Variants in ADAMTSL1 observed in about 807,000 individuals in gnomAD.
ADAMTSL1 encodes ADAMTS-like protein 1.
A neutral mutation model predicts 201.8 loss-of-function variants in ADAMTSL1; 126 were observed. That is an observed-to-expected ratio of 0.62 (90% CI 0.54 to 0.72). The LOEUF is 0.72. ADAMTSL1 is among the 30% of genes least tolerant of loss of function. The pLI is 0.00. For missense variants in ADAMTSL1, 2,679 were observed against 2,277.8 expected, an observed-to-expected ratio of 1.18 and a Z score of -3.59; for synonymous variants, 1,121 against 903.4, an observed-to-expected ratio of 1.24 and a Z score of -4.32.
chr9:18,212,522 T>G (rs948101988), intron 2 of ADAMTSL1, among the ~76,000 whole-genome samples: 7 of 152,208 alleles, frequency 4.6e-5, no homozygotes, highest in African/African-American at 9.6e-5. Flanking sequence ...GTGCTGGTCT[T>G]GGAGAAGACT....
intron 3 of ADAMTSL1, among the ~76,000 whole-genome samples, chr9:18,561,595 G>A (rs1020881772): frequency 6.6e-6 from 1 of 152,114 alleles, no homozygotes; most frequent in African/African-American, 2.4e-5. Context: ...TTAATTTTCT[G>A]TCTTGTTGAT....
chr9:18,596,146 C>G (rs1412502333), intron 4 of ADAMTSL1, among the ~76,000 whole-genome samples: 1 of 152,082 alleles, frequency 6.6e-6, no homozygotes. Flanking sequence ...ATATCTGAAG[C>G]CTAAGTGGGT....
rs59885022 is a variant in ADAMTSL1 at position 18,379,343 on chromosome 9, G to A, written c.208-125486G>A. Among the ~76,000 whole-genome samples the A allele has an allele frequency of 7.8e-3, 1,184 of 152,306 alleles. 17 individuals carry two copies. Among genetic ancestry groups the A allele is most frequent in the African/African-American group, 0.027 (1,104 of 41,576 alleles). On this transcript the variant is annotated intron_variant, in intron 2 of 29. Transcript: ENST00000680146. ...TCAGGGTAATGAGGAAATCCCCTCTGCTCTAACCCTTGCAAAAATGTAAGT... is the reference window on the plus strand; with the variant it reads ...TCAGGGTAATGAGGAAATCCCCTCTACTCTAACCCTTGCAAAAATGTAAGT...
At chr9:18,157,821 C>T (rs150021224) in intron 1 of ADAMTSL1, among the ~76,000 whole-genome samples, 3 of 152,106 alleles carry the variant, frequency 2.0e-5, no homozygotes, top group South Asian at 4.2e-4. Flanking sequence ...TTTAGCCTTT[C>T]CTTCAGGGAG....
intron 23 of ADAMTSL1, among the ~76,000 whole-genome samples, chr9:18,879,043 A>G (rs2131499208): frequency 6.6e-6 from 1 of 152,274 alleles, no homozygotes; most frequent in East Asian, 1.9e-4. Flanking sequence ...TAACCTTCAT[A>G]TATAACATTT....
At chr9:18,431,973 C>G (rs58524668) in intron 2 of ADAMTSL1, among the ~76,000 whole-genome samples, 1,930 of 152,218 alleles carry the variant, frequency 0.013, 42 homozygotes, top group African/African-American at 0.043. Flanking sequence ...TTATAGAAAA[C>G]TGAAAGCCCA....
At chr9:18,340,950 A>G (rs1487031457) in intron 2 of ADAMTSL1, among the ~76,000 whole-genome samples, 1 of 151,938 alleles carries the variant, frequency 6.6e-6, no homozygotes, top group Non-Finnish European at 1.5e-5. Context: ...TTTTTTCTTC[A>G]TCCCCACTGT....
chr9:18,695,580 T>G (rs1288971287), intron 13 of ADAMTSL1, among the ~76,000 whole-genome samples: 1 of 152,182 alleles, frequency 6.6e-6, no homozygotes, highest in Non-Finnish European at 1.5e-5. Context: ...ACTTTCAAGT[T>G]CAAGGTTCAA....
intron 3 of ADAMTSL1, among the ~76,000 whole-genome samples, chr9:18,572,203 A>G (rs891291747): frequency 6.6e-6 from 1 of 152,158 alleles, no homozygotes; most frequent in Non-Finnish European, 1.5e-5. Flanking sequence ...TCAAAAAAAA[A>G]AAAAATAAAG....
chr9:18,768,709 T>C (rs529089324), intron 16 of ADAMTSL1, among the ~76,000 whole-genome samples: 1 of 152,248 alleles, frequency 6.6e-6, no homozygotes, highest in East Asian at 1.9e-4. Context: ...GTTGATTGCT[T>C]TTCTAACATC....
At chr9:17,935,501 T>A (rs1826967544) in intron 1 of ADAMTSL1, among the ~76,000 whole-genome samples, 1 of 152,186 alleles carries the variant, frequency 6.6e-6, no homozygotes, top group Non-Finnish European at 1.5e-5. Context: ...TTAACAGGCC[T>A]CTTACCATGG....
chr9:18,287,672 TATAC>T (rs912050266), intron 2 of ADAMTSL1, among the ~76,000 whole-genome samples: 6 of 151,428 alleles, frequency 4.0e-5, no homozygotes, highest in Admixed American at 2.6e-4. Context: ...TATGTATGTG[TATAC>T]ATACATAAAT....
At position 17,940,809 on chromosome 9, in the gene ADAMTSL1, C is replaced by CG. The variant is rs1554667545; in HGVS notation, c.87+33887_87+33888insG. ...AAAATAAAAGTAAATAACACCCCCC[C>CG]CCCAAAAAAAAGAAAGAAATAACGA... On this transcript the variant is annotated intron_variant, in intron 1 of 29. Coordinates refer to the ADAMTSL1 transcript ENST00000680146. 4.7e-5 allele frequency among the ~76,000 whole-genome samples: 3 copies of CG among 64,302 alleles called. 1 individual carries two copies. The highest frequency in any genetic ancestry group is 1.7e-4 in the African/African-American group (3 of 17,976). The allele number at this position is 64,302 out of a possible 152,430, so 42.2% of individuals were successfully genotyped here.
At chr9:18,064,034 C>CT (rs1301353534) in intron 1 of ADAMTSL1, among the ~76,000 whole-genome samples, 20 of 152,146 alleles carry the variant, frequency 1.3e-4, no homozygotes, top group African/African-American at 4.1e-4. Flanking sequence ...AATCCCCTCT[C>CT]TTTTTTCAAA....
intron 2 of ADAMTSL1, among the ~76,000 whole-genome samples, chr9:18,269,661 C>T (rs79678448): frequency 1.3e-5 from 2 of 152,168 alleles, no homozygotes; most frequent in East Asian, 3.9e-4. Flanking sequence ...AACTGATCTA[C>T]TTGAAAATGT....
intron 1 of ADAMTSL1, among the ~76,000 whole-genome samples, chr9:18,497,395 AGGT>A (rs1822585277): frequency 6.6e-6 from 1 of 152,162 alleles, no homozygotes; most frequent in African/African-American, 2.4e-5. Flanking sequence ...AGCACTCTCT[AGGT>A]CTAGAAGCTC....
At chr9:18,080,223 A>G (rs1298060739) in intron 1 of ADAMTSL1, among the ~76,000 whole-genome samples, 1 of 152,148 alleles carries the variant, frequency 6.6e-6, no homozygotes, top group East Asian at 1.9e-4. Flanking sequence ...AACAAAGAGT[A>G]GTGATCACAA....
intron 1 of ADAMTSL1, among the ~76,000 whole-genome samples, chr9:18,001,236 A>C (rs990890245): frequency 3.9e-5 from 6 of 152,104 alleles, no homozygotes; most frequent in Non-Finnish European, 8.8e-5. Context: ...AGATTGCAAT[A>C]ATAAGCCCAA....
At chr9:17,924,973 T>C (rs1173829109) in intron 1 of ADAMTSL1, among the ~76,000 whole-genome samples, 3 of 126,774 alleles carry the variant, frequency 2.4e-5, no homozygotes, top group Non-Finnish European at 3.3e-5. Flanking sequence ...AGGGCTAATA[T>C]CCAGAATCTA....
Sources: gnomAD v4.1 joint callset for allele counts (sites outside exome capture counted in the v4.1 genomes callset) on GRCh38, gnomAD v4.1.1 for gene constraint, MANE v1.5 for transcripts, NCBI Gene and HGNC (gene_info 2026-07-23, HGNC 2026-07-21) for gene names.